Variants in FRMD4A observed in about 807,000 individuals in gnomAD.
The protein encoded by FRMD4A is FERM domain containing 4A, also known as FERM domain-containing protein 4A.
In FRMD4A, 29 loss-of-function variants were observed where a neutral mutation model predicts 129.1. The observed-to-expected ratio is 0.22, with a 90% CI of 0.17 to 0.31. FRMD4A has a LOEUF of 0.31. Ranked by LOEUF, FRMD4A falls within the 10% of genes least tolerant of loss-of-function variation. The pLI is 1.00. For missense variants in FRMD4A, 1,272 were observed against 1,375.8 expected (o/e 0.92, Z 1.19); for synonymous variants, 634 against 571.6 (o/e 1.11, Z -1.56).
chr10:14,080,638 G>A (rs1260219059), intron 2 of FRMD4A, among the ~76,000 whole-genome samples: 6 of 151,904 alleles, frequency 3.9e-5, no homozygotes, highest in Admixed American at 3.3e-4. Flanking sequence ...TCACAGAAGC[G>A]ATCTTGGAAG....
At chr10:13,647,098 G>GGCCT (rs2081168661) in intron 24 of FRMD4A, 63 bp from the exon 25 acceptor site, 1 of 245,410 alleles carries the variant, frequency 4.1e-6, no homozygotes, top group East Asian at 1.8e-4. Flanking sequence ...GGTTCAGCCA[G>GGCCT]GCCTGCACTG....
At chr10:13,707,546 C>G (rs1345140889) in intron 12 of FRMD4A, 1 of 1,000,024 alleles carries the variant, frequency 1.0e-6, no homozygotes, top group Non-Finnish European at 1.2e-6. Flanking sequence ...GAGCGGTAGC[C>G]ATCTGCGTGG....
chr10:13,815,857 C>A (rs2130890036), intron 3 of FRMD4A, among the ~76,000 whole-genome samples: 1 of 152,322 alleles, frequency 6.6e-6, no homozygotes, highest in South Asian at 2.1e-4. Flanking sequence ...GCTTAACACA[C>A]TGAAGAATTC....
At chr10:14,282,924 C>T (rs1158179104) in intron 2 of FRMD4A, among the ~76,000 whole-genome samples, 1 of 152,226 alleles carries the variant, frequency 6.6e-6, no homozygotes, top group Non-Finnish European at 1.5e-5. Flanking sequence ...GGAGACACCA[C>T]TTAAGCCTTA....
chr10:13,659,649 CA>C, intron 20 of FRMD4A, among the ~76,000 whole-genome samples, 159 bp from the exon 21 acceptor site: 1 of 152,266 alleles, frequency 6.6e-6, no homozygotes. Flanking sequence ...AGCCTTTCCC[CA>C]GCAGGGGGTA....
intron 2 of FRMD4A, among the ~76,000 whole-genome samples, chr10:14,181,445 C>T (rs779868858): frequency 2.0e-5 from 3 of 152,100 alleles, no homozygotes; most frequent in Non-Finnish European, 4.4e-5. Context: ...GGCATCTGGG[C>T]GGAAGCAATG....
At chr10:13,890,957 C>G in intron 2 of FRMD4A, 1 of 616,274 alleles carries the variant, frequency 1.6e-6, no homozygotes, top group Non-Finnish European at 2.0e-6. Flanking sequence ...CCAAGTCGCT[C>G]GTTACGCACA....
intron 2 of FRMD4A, among the ~76,000 whole-genome samples, chr10:14,061,060 T>C (rs920820129): frequency 1.3e-5 from 2 of 152,080 alleles, no homozygotes; most frequent in African/African-American, 4.8e-5. Flanking sequence ...TATAATCAAG[T>C]AGTTTTACAA....
intron 2 of FRMD4A, among the ~76,000 whole-genome samples, chr10:14,051,459 C>T (rs539838393): frequency 2.6e-5 from 4 of 152,312 alleles, no homozygotes; most frequent in South Asian, 4.2e-4. Context: ...AAACCAAGGA[C>T]GCCGGGGTGA....
At chr10:14,150,415 A>C (rs775126762) in intron 2 of FRMD4A, among the ~76,000 whole-genome samples, 19 of 152,222 alleles carry the variant, frequency 1.2e-4, no homozygotes, top group Non-Finnish European at 1.9e-4. Flanking sequence ...GCAAAGCTGA[A>C]ATAGAGATAA....
At chr10:14,083,594 A>T (rs889200251) in intron 2 of FRMD4A, 15 of 152,318 alleles carry the variant, frequency 9.8e-5, no homozygotes, top group Admixed American at 7.2e-4. Flanking sequence ...GTCAGTCTGT[A>T]TTCACACCTA....
rs560253114 is a variant in FRMD4A at position 13,732,588 on chromosome 10, C to T, written c.759+5256G>A. ...AGTGTCAGGGAGGGCCTCTGTCTGC[C>T]GCCGGGCAGGAGCAGCTGCCTGGGC... is the stretch of plus-strand genomic sequence containing the variant. On this transcript the variant is annotated intron_variant, in intron 12 of 24. Transcript: ENST00000357447. 4.6e-5 allele frequency among the ~76,000 whole-genome samples: 7 copies of T among 152,314 alleles called. No homozygotes were observed. The South Asian group carries it at 1.0e-3, about 23-fold the overall frequency.
intron 2 of FRMD4A, among the ~76,000 whole-genome samples, chr10:14,100,537 AGAC>A (rs1270824222): frequency 2.0e-5 from 3 of 152,162 alleles, no homozygotes; most frequent in Non-Finnish European, 4.4e-5. Flanking sequence ...AATAAATGAA[AGAC>A]GTCAACCTTT....
At chr10:13,796,144 T>C (rs1221494667) in intron 5 of FRMD4A, among the ~76,000 whole-genome samples, 1 of 152,180 alleles carries the variant, frequency 6.6e-6, no homozygotes, top group African/African-American at 2.4e-5. Flanking sequence ...GCTTTTGTTA[T>C]GTAGTTTCAA....
chr10:14,292,385 G>A (rs1252012324), intron 2 of FRMD4A, among the ~76,000 whole-genome samples: 2 of 152,170 alleles, frequency 1.3e-5, no homozygotes, highest in African/African-American at 4.8e-5. Flanking sequence ...AGACCATCAG[G>A]AAAATGACAG....
chr10:13,658,760 T>C (rs899614223), intron 21 of FRMD4A, among the ~76,000 whole-genome samples: 2 of 151,478 alleles, frequency 1.3e-5, no homozygotes, highest in Non-Finnish European at 2.9e-5. Context: ...TAGGTGCCTG[T>C]AATCCCACCT....
chr10:14,113,426 T>C (rs1348249146), intron 2 of FRMD4A, among the ~76,000 whole-genome samples: 1 of 152,190 alleles, frequency 6.6e-6, no homozygotes, highest in Non-Finnish European at 1.5e-5. Context: ...CATTTTCTTT[T>C]CTCTAGCTTA....
At chr10:13,779,663 T>A (rs887922693) in intron 6 of FRMD4A, among the ~76,000 whole-genome samples, 1 of 152,224 alleles carries the variant, frequency 6.6e-6, no homozygotes, top group Non-Finnish European at 1.5e-5. Flanking sequence ...CTTCCGCTTC[T>A]TGTTAATTAC....
chr10:13,739,078 C>T (rs558181939), intron 11 of FRMD4A, among the ~76,000 whole-genome samples: 1 of 152,252 alleles, frequency 6.6e-6, no homozygotes, highest in South Asian at 2.1e-4. Context: ...TCTAAATAAC[C>T]TAATACAACC....
Sources: allele counts gnomAD v4.1 joint callset (sites outside exome capture counted in the v4.1 genomes callset), GRCh38; gene constraint gnomAD v4.1.1; transcripts MANE v1.5; gene names NCBI Gene and HGNC (gene_info 2026-07-23, HGNC 2026-07-21).